Variants in NFIB observed in about 807,000 individuals in gnomAD.
NFIB encodes nuclear factor I B, also known as nuclear factor 1 B-type.
NFIB carries 11 observed loss-of-function variants against 61.5 expected under a neutral mutation model. That is an observed-to-expected ratio of 0.18 (90% CI 0.11 to 0.30). The LOEUF is 0.30. NFIB is among the 10% of genes least tolerant of loss of function. The pLI is 1.00. For missense variants in NFIB, 471 were observed against 608.9 expected (o/e 0.77, Z 2.38); for synonymous variants, 260 against 216.5 (o/e 1.20, Z -1.76).
the NFIB span, among the ~76,000 whole-genome samples, chr9:14,521,565 C>A: frequency 6.6e-6 from 1 of 152,128 alleles, no homozygotes; most frequent in East Asian, 1.9e-4. Flanking sequence ...ATAATATATG[C>A]AAAGTACCTA....
At chr9:14,435,852 G>A in the NFIB span, among the ~76,000 whole-genome samples, 7 of 152,144 alleles carry the variant, frequency 4.6e-5, no homozygotes, top group South Asian at 2.1e-4. Context: ...GGACTCTTCC[G>A]AATGACCACA....
chr9:14,329,804 C>T (rs1016278237), intron 1 of NFIB, among the ~76,000 whole-genome samples: 5 of 151,524 alleles, frequency 3.3e-5, no homozygotes, highest in Admixed American at 1.3e-4. Context: ...TGAGCCACCA[C>T]GCCCAGCCAT....
intron 1 of NFIB, chr9:14,357,101 T>C (rs1274580461): frequency 6.6e-6 from 1 of 152,256 alleles, no homozygotes; most frequent in Non-Finnish European, 1.5e-5. Flanking sequence ...CTGAATTTCT[T>C]GGAAAAGAGT....
intron 2 of NFIB, among the ~76,000 whole-genome samples, chr9:14,211,238 G>T (rs962740835): frequency 2.0e-5 from 3 of 151,986 alleles, no homozygotes; most frequent in Non-Finnish European, 4.4e-5. Flanking sequence ...TATTACCTGG[G>T]CTATTTTTAA....
chr9:14,154,284 A>G (rs1293286049), intron 4 of NFIB, among the ~76,000 whole-genome samples: 2 of 152,068 alleles, frequency 1.3e-5, no homozygotes, highest in African/African-American at 4.8e-5. Context: ...AAGGATGAAA[A>G]TATACCATTG....
intron 3 of NFIB, among the ~76,000 whole-genome samples, chr9:14,173,786 G>A (rs1431061537): frequency 6.6e-6 from 1 of 151,990 alleles, no homozygotes; most frequent in African/African-American, 2.4e-5. Context: ...TAGGTGACTG[G>A]GGAGACATGG....
At chr9:14,183,861 T>C (rs9776572) in intron 2 of NFIB, among the ~76,000 whole-genome samples, 115,909 of 151,970 alleles carry the variant, frequency 0.76, 46,151 homozygotes, top group South Asian at 0.93. Flanking sequence ...GGGTTTCATG[T>C]TCCCCATTCT....
In NFIB at chr9:14,129,387, C is replaced by CA. The variant is rs534691060; in HGVS notation, c.926-3622dup. On this transcript the variant is annotated intron_variant, in intron 6 of 10. Transcript: ENST00000380953. ...GAAGATACAAAAGTGAATCCCCGCT[C>CA]AAAAAAAAAAAAAAGACAAAAAAAC... 4.5e-3 allele frequency among the ~76,000 whole-genome samples: 249 copies of CA among 55,502 alleles called. 1 individual carries two copies. The highest frequency in any genetic ancestry group is 0.032 in the East Asian group (59 of 1,858). The allele number at this position is 55,502 out of a possible 152,430, so 36.4% of individuals were successfully genotyped here.
At chr9:14,523,391 TC>T in the NFIB span, among the ~76,000 whole-genome samples, 1 of 152,078 alleles carries the variant, frequency 6.6e-6, no homozygotes, top group Non-Finnish European at 1.5e-5. Flanking sequence ...CTACTCACTT[TC>T]CCACAAACCC....
At chr9:14,140,875 C>G (rs2041622610) in intron 6 of NFIB, among the ~76,000 whole-genome samples, 1 of 152,134 alleles carries the variant, frequency 6.6e-6, no homozygotes, top group Non-Finnish European at 1.5e-5. Context: ...GTCAGGGCTA[C>G]AGTGAGCCAT....
At position 14,266,170 on chromosome 9, in the gene NFIB, T is replaced by A. The variant is rs74590115; in HGVS notation, c.562+40819A>T. Among the ~76,000 whole-genome samples the A allele has an allele frequency of 4.6e-3, 706 of 152,322 alleles. 3 individuals are homozygous for A. The highest frequency in any genetic ancestry group is 0.016 in the African/African-American group (676 of 41,572). ...GCAATCCCTTCCTTGACAGCTCCACTGGCTTCTAAGTCTTCAATAACACCC... is the reference window on the plus strand; with the variant it reads ...GCAATCCCTTCCTTGACAGCTCCACAGGCTTCTAAGTCTTCAATAACACCC... On this transcript the variant is annotated intron_variant, in intron 2 of 10. Coordinates refer to ENST00000380953, the MANE Select transcript of NFIB (RefSeq NM_001190737.2).
chr9:14,385,819 G>A (rs187058191), intron 1 of NFIB, among the ~76,000 whole-genome samples: 1 of 143,486 alleles, frequency 7.0e-6, no homozygotes, highest in South Asian at 2.2e-4. Flanking sequence ...GTGTTTCTCT[G>A]TTTCCCAGGC....
chr9:14,488,195 C>G, the NFIB span, among the ~76,000 whole-genome samples: 1 of 151,988 alleles, frequency 6.6e-6, no homozygotes, highest in Non-Finnish European at 1.5e-5. Context: ...GAGACTCCAT[C>G]TTTACAAAAC....
At chr9:14,177,128 T>C (rs1328527297) in intron 3 of NFIB, among the ~76,000 whole-genome samples, 2 of 152,202 alleles carry the variant, frequency 1.3e-5, no homozygotes, top group African/African-American at 4.8e-5. Context: ...TCATTGCTTG[T>C]GGTGGTAGAC....
the NFIB span, among the ~76,000 whole-genome samples, chr9:14,465,414 C>A: frequency 6.6e-6 from 1 of 152,104 alleles, no homozygotes; most frequent in Non-Finnish European, 1.5e-5. Context: ...AAAATAAACA[C>A]TCTGTTTGAC....
At chr9:14,388,252 A>C (rs936981811) in intron 1 of NFIB, among the ~76,000 whole-genome samples, 3 of 152,102 alleles carry the variant, frequency 2.0e-5, no homozygotes, top group Admixed American at 6.6e-5. Context: ...ATGCACCTGT[A>C]GTCCCAGCTA....
rs896393530 is a variant in NFIB, at chr9:14,220,885, A to C, written c.563-41105T>G. Among the ~76,000 whole-genome samples, 4 of 143,022 alleles carry C rather than the reference A, an allele frequency of 2.8e-5. No homozygotes were observed. The South Asian group carries it at 6.9e-4, about 25-fold the overall frequency. 93.8% of individuals were successfully genotyped at this position (143,022 alleles called of 152,430 possible). A position where few individuals can be genotyped will look rare whatever the true frequency, so the allele number is the denominator to read the frequency against. On this transcript the variant is annotated intron_variant, in intron 2 of 10. Transcript: ENST00000380953. ...CACACACACACACACACACACACAC[A>C]CCACATCCCATCTTCTTCCTATTCC...
At chr9:14,160,687 G>A (rs1458353449) in intron 3 of NFIB, among the ~76,000 whole-genome samples, 4 of 151,820 alleles carry the variant, frequency 2.6e-5, no homozygotes, top group South Asian at 2.1e-4. Context: ...TTAACTTCAC[G>A]TTCACCATTA....
chr9:14,234,566 C>T lies in NFIB; in HGVS notation c.563-54786G>A, dbSNP rs919860287. Among the ~76,000 whole-genome samples, 3 of 151,928 alleles carry T rather than the reference C, an allele frequency of 2.0e-5. 1 individual carries two copies. The highest frequency in any genetic ancestry group is 7.3e-5 in the African/African-American group (3 of 41,378). Reference sequence around the variant, plus strand: ...TGTATTTTTAGTAGAGACAGGGTTTCACCATATTGACCAGGCTGGTCTCAA... The same window carrying T: ...TGTATTTTTAGTAGAGACAGGGTTTTACCATATTGACCAGGCTGGTCTCAA... On this transcript the variant is annotated intron_variant, in intron 2 of 10. Transcript: ENST00000380953.
Sources: allele counts gnomAD v4.1 joint callset (sites outside exome capture counted in the v4.1 genomes callset), GRCh38; gene constraint gnomAD v4.1.1; transcripts MANE v1.5; gene names NCBI Gene and HGNC (gene_info 2026-07-23, HGNC 2026-07-21).